Variants in RAE1 observed in about 807,000 individuals in gnomAD.
RAE1 encodes the protein mRNA export factor RAE1.
A neutral mutation model predicts 52.7 loss-of-function variants in RAE1; 13 were observed. The observed-to-expected ratio is 0.25, with a 90% CI of 0.16 to 0.39. RAE1 has a LOEUF of 0.39. Among genes scored for constraint, RAE1 ranks in the 10% least tolerant of loss-of-function variants. The probability of loss-of-function intolerance (pLI) is 1.00; values close to 1 mark genes in which losing one functional copy is unlikely to be tolerated. For synonymous variants in RAE1, 164 were observed against 153.1 expected, an observed-to-expected ratio of 1.07 and a Z score of -0.52; for missense variants, 262 against 459.8, an observed-to-expected ratio of 0.57 and a Z score of 3.93.
intron 11 of RAE1, among the ~76,000 whole-genome samples, chr20:57,377,744 G>A (rs2067136591): frequency 6.6e-6 from 1 of 152,146 alleles, no homozygotes; most frequent in Admixed American, 6.5e-5. Context: ...TGTTAAAAGG[G>A]GGCTCAGTGT....
chr20:57,368,840 T>A (rs1373537748), intron 8 of RAE1, 28 bp downstream of exon 8: 1 of 1,548,116 alleles, frequency 6.5e-7, no homozygotes, highest in East Asian at 2.3e-5. Context: ...TCAAGAAGTA[T>A]GTATTTAGCA....
At chr20:57,358,214 T>G (rs1359748792) in intron 4 of RAE1, 1 of 152,160 alleles carries the variant, frequency 6.6e-6, no homozygotes, top group Non-Finnish European at 1.5e-5. Flanking sequence ...AAAGTTTTAT[T>G]GCATCAAAAA....
intron 7 of RAE1, 56 bp downstream of exon 7, chr20:57,367,135 T>C: frequency 1.4e-6 from 2 of 1,417,760 alleles, no homozygotes; most frequent in South Asian, 2.6e-5. Flanking sequence ...AAATAAGTAT[T>C]CTCACCTTGT....
intron 1 of RAE1, chr20:57,351,683 C>G: frequency 1.0e-6 from 1 of 985,492 alleles, no homozygotes; most frequent in Non-Finnish European, 1.2e-6. Flanking sequence ...TGTGTGTCGC[C>G]TCTGTCCCTC....
chr20:57,364,600 T>C (rs780407696), intron 4 of RAE1, among the ~76,000 whole-genome samples: 4 of 152,252 alleles, frequency 2.6e-5, no homozygotes. Context: ...CAGCAAACTA[T>C]GGCCCATGAG....
At chr20:57,363,404 T>C (rs1447942565) in intron 4 of RAE1, among the ~76,000 whole-genome samples, 1 of 152,080 alleles carries the variant, frequency 6.6e-6, no homozygotes, top group African/African-American at 2.4e-5. Flanking sequence ...TCCCAGCTAC[T>C]TGGGAGACTG....
intron 2 of RAE1, among the ~76,000 whole-genome samples, chr20:57,354,480 A>G (rs976913674): frequency 6.6e-5 from 10 of 152,234 alleles, no homozygotes; most frequent in African/African-American, 2.4e-4. Context: ...GGTCATTTAG[A>G]AAACAAGACC....
At chr20:57,351,513 A>G (rs1466542232) in intron 1 of RAE1, 91 bp downstream of exon 1, 2 of 985,288 alleles carry the variant, frequency 2.0e-6, no homozygotes, top group African/African-American at 3.5e-5. Context: ...CTTCTGCGGG[A>G]TGCTGGGGCG....
At chr20:57,353,015 G>C (rs1035416378) in intron 1 of RAE1, among the ~76,000 whole-genome samples, 1 of 152,166 alleles carries the variant, frequency 6.6e-6, no homozygotes, top group Non-Finnish European at 1.5e-5. Context: ...ATGAAGCTGA[G>C]GAAACTCAAA....
At position 57,366,816 on chromosome 20, in the gene RAE1, C is replaced by G; in HGVS notation, c.385C>G (p.Pro129Ala). 6.2e-7 allele frequency: 1 copy of G among 1,612,174 alleles called. No homozygotes were observed. The highest frequency in any genetic ancestry group is 8.5e-7 in the Non-Finnish European group (1 of 1,178,212). The change falls in exon 6 of 12, where the codon CCT (proline) becomes GCT (alanine). Residue 129 changes from proline to alanine, a missense_variant. Pro to Ala is a conservative substitution (Grantham distance 27). Transcript: ENST00000395841. ...TTTGTCTTGTTGAAAGCATGATGCT[C>G]CTGTTAAAACCATCCATTGGATCAA... is the stretch of plus-strand genomic sequence containing the variant. ...QAIQIAQHDAPVKTIHWIKAP... is the reference protein window; with the variant it reads ...QAIQIAQHDAAVKTIHWIKAP...
intron 11 of RAE1, among the ~76,000 whole-genome samples, chr20:57,375,349 G>A (rs1247983739): frequency 6.6e-6 from 1 of 152,046 alleles, no homozygotes; most frequent in Non-Finnish European, 1.5e-5. Flanking sequence ...TGTATTTGTG[G>A]TTTTCATCAT....
chr20:57,377,227 G>A (rs995885332), intron 11 of RAE1, among the ~76,000 whole-genome samples: 4 of 152,188 alleles, frequency 2.6e-5, no homozygotes, highest in Non-Finnish European at 5.9e-5. Context: ...GTGACAGAGT[G>A]CACCCAGCGC....
chr20:57,373,018 C>A, intron 8 of RAE1: 2 of 189,562 alleles, frequency 1.1e-5, no homozygotes, highest in South Asian at 1.9e-4. Flanking sequence ...ATGGCCACTG[C>A]ACCCACCGTC....
intron 4 of RAE1, chr20:57,358,987 A>G: frequency 6.6e-7 from 1 of 1,507,932 alleles, no homozygotes; most frequent in South Asian, 1.3e-5. Flanking sequence ...CTTCACGGAT[A>G]GATCAATTTC....
At position 57,373,757 on chromosome 20, in the gene RAE1, T is replaced by A; in HGVS notation, c.825+19T>A. The A allele has an allele frequency of 6.2e-7, 1 of 1,603,972 alleles. No individual in the cohort carries two copies. The highest frequency in any genetic ancestry group is 8.5e-7 in the Non-Finnish European group (1 of 1,170,802). On this transcript the variant is annotated intron_variant, in intron 10 of 11. Transcript: ENST00000395841. ...TTATGCGGTACGTTTTTAGACACTT[T>A]AACCGTGGTAATACATCTGGAAACC...
intron 4 of RAE1, 63 bp from the exon 5 acceptor site, chr20:57,365,289 CTAAA>C: frequency 8.5e-7 from 1 of 1,178,114 alleles, no homozygotes; most frequent in South Asian, 1.4e-5. Context: ...AACGTAGTAT[CTAAA>C]TATATATATA....
intron 8 of RAE1, chr20:57,372,994 T>TG (rs2067058517): frequency 5.9e-6 from 1 of 168,728 alleles, no homozygotes; most frequent in Non-Finnish European, 1.3e-5. Flanking sequence ...TGCAGCGTGT[T>TG]GCTTGTCTGT....
chr20:57,378,021 A>G lies in RAE1; in HGVS notation c.1029A>G (p.Glu343=). The change falls in exon 12 of 12, where the codon GAA becomes GAG. Residue 343 remains glutamate, a synonymous_variant. Coordinates refer to ENST00000395841, the MANE Select transcript of RAE1 (RefSeq NM_003610.4). The stretch of plus-strand genomic sequence containing the variant: ...TTTTTTGCTCTCTTTAGGGACATGA[A>G]TTTTATAATCCCCAGAAAAAAAATT... ...ASSYDWSKGH[E]FYNPQKKNYI... 1 of 1,610,282 alleles carries G rather than the reference A, an allele frequency of 6.2e-7. No individual in the cohort carries two copies. Among genetic ancestry groups the G allele is most frequent in the Non-Finnish European group, 8.5e-7 (1 of 1,176,786 alleles).
intron 1 of RAE1, among the ~76,000 whole-genome samples, chr20:57,352,763 T>A (rs2066729657): frequency 6.6e-6 from 1 of 151,670 alleles, no homozygotes; most frequent in African/African-American, 2.4e-5. Context: ...TATTAGTGTC[T>A]CTGTTTTACA....
Sources: gnomAD v4.1 joint callset for allele counts (sites outside exome capture counted in the v4.1 genomes callset) on GRCh38, gnomAD v4.1.1 for gene constraint, MANE v1.5 for transcripts, NCBI Gene and HGNC (gene_info 2026-07-23, HGNC 2026-07-21) for gene names.